RPS6KA2: variants seen among roughly 807,000 people sequenced by gnomAD.
RPS6KA2 encodes ribosomal protein S6 kinase alpha-2.
In RPS6KA2, 42 loss-of-function variants were observed where a neutral mutation model predicts 91.8. That is an observed-to-expected ratio of 0.46 (90% CI 0.36 to 0.59). RPS6KA2 has a LOEUF of 0.59. Ranked by LOEUF, RPS6KA2 falls within the 20% of genes least tolerant of loss-of-function variation. RPS6KA2 has a pLI of 0.00. For synonymous variants in RPS6KA2, 414 were observed against 393.6 expected, an observed-to-expected ratio of 1.05 and a Z score of -0.61; for missense variants, 798 against 978.5, an observed-to-expected ratio of 0.82 and a Z score of 2.46.
rs1425343109 is a variant in RPS6KA2 at position 166,557,543 on chromosome 6, T to C, written c.100-18759A>G. The stretch of plus-strand genomic sequence containing the variant: ...CTAATTGAGTGATATGGTCTGGCCT[T>C]AGAGTTTCTCTGGCACCTTTGTCAA... On this transcript the variant is annotated intron_variant, in intron 1 of 20. Transcript: ENST00000265678. This position sits in a 1 kb window ranked among gnomAD's most constrained non-coding sequence, Gnocchi z 4.8. Among the ~76,000 whole-genome samples the C allele has an allele frequency of 6.6e-6, 1 of 152,244 alleles. No homozygotes were observed. The highest frequency in any genetic ancestry group is 2.4e-5 in the African/African-American group (1 of 41,464).
intron 2 of RPS6KA2, among the ~76,000 whole-genome samples, chr6:166,683,716 G>A (rs1788909969): frequency 6.6e-6 from 1 of 152,232 alleles, no homozygotes; most frequent in African/African-American, 2.4e-5. Context: ...GAACACAGAA[G>A]GGAAACACAT....
At chr6:166,722,419 C>A (rs1349276170) in intron 2 of RPS6KA2, among the ~76,000 whole-genome samples, 2 of 152,198 alleles carry the variant, frequency 1.3e-5, no homozygotes, top group Non-Finnish European at 2.9e-5. Flanking sequence ...AGAGGGCTCC[C>A]CTTATCTTAT....
At chr6:166,455,197 G>C (rs1256334724) in intron 12 of RPS6KA2, among the ~76,000 whole-genome samples, 2 of 152,096 alleles carry the variant, frequency 1.3e-5, no homozygotes, top group African/African-American at 4.8e-5. Flanking sequence ...CACACGGTGC[G>C]GCAGGTGTGT....
intron 3 of RPS6KA2, among the ~76,000 whole-genome samples, chr6:166,530,739 A>C (rs1783244059): frequency 6.6e-6 from 1 of 152,228 alleles, no homozygotes; most frequent in Non-Finnish European, 1.5e-5. Flanking sequence ...CTAACGCTGC[A>C]CTAGGGGCTC....
intron 3 of RPS6KA2, among the ~76,000 whole-genome samples, chr6:166,513,359 G>A (rs866082471): frequency 6.6e-6 from 1 of 152,158 alleles, no homozygotes; most frequent in African/African-American, 2.4e-5. Context: ...TGGAGGGTGC[G>A]GGAGCGACTG....
chr6:166,511,098 G>T (rs367927012), intron 3 of RPS6KA2, among the ~76,000 whole-genome samples: 1 of 152,156 alleles, frequency 6.6e-6, no homozygotes, highest in Non-Finnish European at 1.5e-5. Flanking sequence ...CAGATCAGGG[G>T]GTGCCTGCTG....
At chr6:166,421,357 C>T (rs943212917) in intron 17 of RPS6KA2, among the ~76,000 whole-genome samples, 17 of 152,136 alleles carry the variant, frequency 1.1e-4, no homozygotes, top group African/African-American at 1.4e-4. Context: ...GCTGCATAGG[C>T]GTGAGGGGCG....
chr6:166,763,603 C>T (rs1231012303), intron 2 of RPS6KA2, among the ~76,000 whole-genome samples: 2 of 152,212 alleles, frequency 1.3e-5, no homozygotes, highest in Non-Finnish European at 2.9e-5. Flanking sequence ...AGGAAGGGAA[C>T]CTTGGATTTC....
rs894801203 is a variant in RPS6KA2 at position 166,648,042 on chromosome 6, A to T, written c.124-109258T>A. Among the ~76,000 whole-genome samples the T allele has an allele frequency of 6.6e-6, 1 of 151,196 alleles. No individual in the cohort carries two copies. The highest frequency in any genetic ancestry group is 6.6e-5 in the Admixed American group (1 of 15,158). ...CACACATACATACACACATGCTCTC[A>T]CACACATGCACATGCTCACACACAT... On this transcript the variant is annotated intron_variant, in intron 2 of 21. Transcript: ENST00000503859. The surrounding 1 kb of genome is among the most constrained non-coding windows in gnomAD (Gnocchi z 4.8).
intron 2 of RPS6KA2, among the ~76,000 whole-genome samples, chr6:166,747,666 G>A (rs140771354): frequency 7.0e-4 from 107 of 152,298 alleles, no homozygotes; most frequent in African/African-American, 2.5e-3. Flanking sequence ...CAGAGAGGGC[G>A]GTGGAGGTGG....
intron 2 of RPS6KA2, among the ~76,000 whole-genome samples, chr6:166,809,462 T>A (rs772847150): frequency 1.1e-4 from 17 of 152,148 alleles, no homozygotes; most frequent in Non-Finnish European, 1.9e-4. Context: ...GGGACTGATA[T>A]TAAGAAAAAC....
intron 1 of RPS6KA2, among the ~76,000 whole-genome samples, chr6:166,578,899 A>G (rs1030374667): frequency 6.6e-6 from 1 of 152,258 alleles, no homozygotes; most frequent in African/African-American, 2.4e-5. Context: ...GTCACAGCTT[A>G]GAAACGCAGT....
intron 10 of RPS6KA2, among the ~76,000 whole-genome samples, chr6:166,472,495 G>A (rs933835980): frequency 1.3e-5 from 2 of 152,164 alleles, no homozygotes; most frequent in African/African-American, 4.8e-5. Context: ...TCAGCAAAAA[G>A]AGTCAACAGG....
chr6:166,452,114 T>G (rs1036058527), intron 12 of RPS6KA2, among the ~76,000 whole-genome samples: 1 of 152,162 alleles, frequency 6.6e-6, no homozygotes, highest in African/African-American at 2.4e-5. Context: ...TTTTGTCTAA[T>G]GAACTAACAA....
chr6:166,537,892 TC>T (rs1284510102), intron 2 of RPS6KA2, among the ~76,000 whole-genome samples: 2 of 152,246 alleles, frequency 1.3e-5, no homozygotes, highest in Non-Finnish European at 2.9e-5. Context: ...GGCAGAGAAA[TC>T]AGCATTGTGC....
At chr6:166,702,382 C>G in intron 2 of RPS6KA2, 7 of 1,609,054 alleles carry the variant, frequency 4.4e-6, no homozygotes, top group Non-Finnish European at 6.0e-6. Context: ...AGGCTACTTT[C>G]AAGGTGAAAT....
chr6:166,573,653 T>C (rs569301656), intron 1 of RPS6KA2, among the ~76,000 whole-genome samples: 2 of 152,328 alleles, frequency 1.3e-5, no homozygotes, highest in Admixed American at 1.3e-4. Context: ...CTCACCGGCC[T>C]TTGCTGCACT....
At chr6:166,450,925 G>A (rs1033176969) in intron 13 of RPS6KA2, among the ~76,000 whole-genome samples, 178 bp downstream of exon 13, 4 of 151,642 alleles carry the variant, frequency 2.6e-5, no homozygotes, top group East Asian at 2.0e-4. Context: ...GGATAACCAC[G>A]AGGGACCACC....
intron 2 of RPS6KA2, among the ~76,000 whole-genome samples, chr6:166,735,894 C>T (rs1041712559): frequency 4.6e-5 from 7 of 152,184 alleles, no homozygotes; most frequent in African/African-American, 1.4e-4. Context: ...CAACAGACAG[C>T]TCTGAAAAGC....
Sources: allele counts gnomAD v4.1 joint callset (sites outside exome capture counted in the v4.1 genomes callset), GRCh38; gene constraint gnomAD v4.1.1; non-coding constraint Gnocchi (gnomAD v3.1); transcripts MANE v1.5; gene names NCBI Gene and HGNC (gene_info 2026-07-23, HGNC 2026-07-21).